The following CHL1 variants were observed in gnomAD, a reference collection of about 807,000 sequenced individuals.
CHL1 encodes neural cell adhesion molecule L1-like protein.
A neutral mutation model predicts 141.9 loss-of-function variants in CHL1; 96 were observed. The ratio of observed to expected loss-of-function variants is 0.68; its 90% CI spans 0.57 to 0.80. CHL1 has a LOEUF of 0.80. Among genes scored for constraint, CHL1 ranks in the 30% least tolerant of loss-of-function variants. The probability of loss-of-function intolerance (pLI) is 0.00; values close to 1 mark genes in which losing one functional copy is unlikely to be tolerated. For synonymous variants in CHL1, 613 were observed against 502.2 expected, an observed-to-expected ratio of 1.22 and a Z score of -2.95; for missense variants, 1,820 against 1,457.2, an observed-to-expected ratio of 1.25 and a Z score of -4.05.
intron 27 of CHL1, 50 bp downstream of exon 27, chr3:401,748 A>C: frequency 9.2e-7 from 1 of 1,085,424 alleles, no homozygotes; most frequent in South Asian, 1.5e-5. Context: ...ATCATGTTGA[A>C]AGCTTAAGTG....
At chr3:396,526 T>C (rs930907229) in intron 24 of CHL1, among the ~76,000 whole-genome samples, 32 of 152,190 alleles carry the variant, frequency 2.1e-4, no homozygotes, top group African/African-American at 7.2e-4. Flanking sequence ...CTTGGTTGCA[T>C]TCGTGCTTGA....
chr3:358,070 G>A (rs1703875147), intron 11 of CHL1, among the ~76,000 whole-genome samples: 1 of 152,172 alleles, frequency 6.6e-6, no homozygotes, highest in Admixed American at 6.5e-5. Flanking sequence ...TAACATTGCT[G>A]TAACAAATTA....
chr3:360,525 G>A, intron 12 of CHL1, 101 bp downstream of exon 12: 4 of 1,178,174 alleles, frequency 3.4e-6, no homozygotes, highest in Non-Finnish European at 4.7e-6. Context: ...AATATATGGA[G>A]GGAAAAATCA....
chr3:208,255 A>G (rs1052322632), intron 1 of CHL1, among the ~76,000 whole-genome samples: 2 of 152,034 alleles, frequency 1.3e-5, no homozygotes, highest in South Asian at 2.1e-4. Flanking sequence ...CTAATAAACC[A>G]TTTTTTCTGC....
At chr3:245,832 C>T (rs1693111379) in intron 2 of CHL1, among the ~76,000 whole-genome samples, 1 of 152,026 alleles carries the variant, frequency 6.6e-6, no homozygotes, top group South Asian at 2.1e-4. Flanking sequence ...TATGAAGAAA[C>T]TCTCTGTGCT....
intron 16 of CHL1, 118 bp downstream of exon 16, chr3:378,060 A>C: frequency 1.1e-6 from 1 of 879,722 alleles, no homozygotes; most frequent in East Asian, 3.0e-5. Flanking sequence ...TGTTAGTTTC[A>C]AATTTTTGTT....
chr3:261,112 T>C (rs1298746975), intron 2 of CHL1, among the ~76,000 whole-genome samples: 2 of 152,220 alleles, frequency 1.3e-5, no homozygotes, highest in Non-Finnish European at 2.9e-5. Flanking sequence ...GGGCACACCC[T>C]ATGGCTTTAC....
At chr3:314,298 A>T (rs71611518) in intron 2 of CHL1, among the ~76,000 whole-genome samples, 18,786 of 101,540 alleles carry the variant, frequency 0.19, 2,158 homozygotes, top group African/African-American at 0.33. Context: ...CCAATCTTGC[A>T]CTCTCTCTCT....
intron 5 of CHL1, among the ~76,000 whole-genome samples, chr3:329,380 A>C (rs1701267063): frequency 6.6e-6 from 1 of 152,046 alleles, no homozygotes; most frequent in Non-Finnish European, 1.5e-5. Flanking sequence ...CAAATGATGA[A>C]TCTTTAACCC....
chr3:228,325 C>T (rs116398979), intron 1 of CHL1, among the ~76,000 whole-genome samples: 59 of 152,254 alleles, frequency 3.9e-4, no homozygotes, highest in African/African-American at 1.2e-3. Context: ...ACGTCACCAA[C>T]GACACCTTAA....
intron 23 of CHL1, among the ~76,000 whole-genome samples, chr3:393,008 T>A (rs1391657488): frequency 6.6e-6 from 1 of 152,062 alleles, no homozygotes; most frequent in African/African-American, 2.4e-5. Context: ...CCGAGGCTGG[T>A]GGATCACGAG....
chr3:334,335 C>T (rs1701694483), intron 5 of CHL1, among the ~76,000 whole-genome samples: 1 of 152,118 alleles, frequency 6.6e-6, no homozygotes, highest in African/African-American at 2.4e-5. Flanking sequence ...CTATGCCCCA[C>T]CAATGACTTT....
chr3:267,723 A>G (rs900578283), intron 2 of CHL1, among the ~76,000 whole-genome samples: 1 of 152,208 alleles, frequency 6.6e-6, no homozygotes, highest in Non-Finnish European at 1.5e-5. Flanking sequence ...AAATTGTTGC[A>G]TGAAGCTCAA....
intron 2 of CHL1, among the ~76,000 whole-genome samples, chr3:306,233 T>A (rs1342618333): frequency 6.6e-6 from 1 of 152,148 alleles, no homozygotes; most frequent in Non-Finnish European, 1.5e-5. Flanking sequence ...GAGCAGAAGA[T>A]GAGCCAAAGG....
chr3:211,687 T>G (rs774575578), intron 1 of CHL1, among the ~76,000 whole-genome samples: 6 of 152,186 alleles, frequency 3.9e-5, no homozygotes, highest in Non-Finnish European at 5.9e-5. Context: ...CAAAAAGCAC[T>G]TATAAAGTAT....
chr3:216,188 T>C (rs1700305031), intron 1 of CHL1, among the ~76,000 whole-genome samples: 2 of 152,244 alleles, frequency 1.3e-5, no homozygotes, highest in Admixed American at 1.3e-4. Context: ...GATGTCTTGA[T>C]GGCACAATTT....
chr3:321,958 G>T (rs904230827), intron 3 of CHL1, among the ~76,000 whole-genome samples: 2 of 152,048 alleles, frequency 1.3e-5, no homozygotes, highest in African/African-American at 2.4e-5. Context: ...CAAATAATTA[G>T]TTATTGCTGA....
intron 2 of CHL1, among the ~76,000 whole-genome samples, chr3:296,544 G>T (rs781701912): frequency 2.6e-5 from 4 of 151,910 alleles, no homozygotes; most frequent in African/African-American, 4.8e-5. Context: ...ATAGTTTCAT[G>T]ACCACAGAGG....
At chr3:323,191 C>G (rs1700734349) in intron 3 of CHL1, among the ~76,000 whole-genome samples, 2 of 151,808 alleles carry the variant, frequency 1.3e-5, no homozygotes, top group South Asian at 4.1e-4. Context: ...CCAAGTGAGC[C>G]CATTCATTTC....
Sources: allele counts gnomAD v4.1 joint callset (sites outside exome capture counted in the v4.1 genomes callset), GRCh38; gene constraint gnomAD v4.1.1; transcripts MANE v1.5; gene names NCBI Gene and HGNC (gene_info 2026-07-23, HGNC 2026-07-21).